SLC25A46: variants seen among roughly 807,000 people sequenced by gnomAD.
SLC25A46 encodes the protein solute carrier family 25 member 46.
A neutral mutation model predicts 44.6 loss-of-function variants in SLC25A46; 39 were observed. The observed-to-expected ratio is 0.87, with a 90% CI of 0.68 to 1.14. The LOEUF (loss-of-function observed/expected upper bound fraction) is 1.14, where lower values mean the gene tolerates loss of function less well. Among genes scored for constraint, SLC25A46 ranks in the 50% most tolerant of loss-of-function variants. The pLI is 0.00. For synonymous variants in SLC25A46, 202 were observed against 185.8 expected (o/e 1.09, Z -0.71); for missense variants, 547 against 522.7 (o/e 1.05, Z -0.45).
chr5:110,749,491 C>CGT (rs780713826), intron 5 of SLC25A46, among the ~76,000 whole-genome samples: 35 of 125,750 alleles, frequency 2.8e-4, no homozygotes, highest in South Asian at 8.3e-4. Flanking sequence ...ACATGTGTGC[C>CGT]GTGTGTGTGT....
chr5:110,764,379 G>C lies in SLC25A46; in HGVS notation c.*2597G>C, dbSNP rs767354478. On this transcript the variant is annotated 3_prime_UTR_variant, in exon 8 of 8. Coordinates refer to ENST00000355943, the MANE Select transcript of SLC25A46 (RefSeq NM_138773.4). ...TATGGGCTCCAAAAAAAATTATCTG[G>C]GTTAATAAGGTTATCTATTAAAGCC... 8 of 151,716 alleles carry C rather than the reference G, an allele frequency of 5.3e-5. No individual in the cohort carries two copies. The highest frequency in any genetic ancestry group is 1.2e-4 in the Non-Finnish European group (8 of 67,866). The allele number at this position is 151,716 out of a possible 1,614,324, so 9.4% of individuals were successfully genotyped here.
Position 110,739,099 on chromosome 5 carries a change from C to G in SLC25A46, c.-21C>G. The G allele has an allele frequency of 6.5e-7, 1 of 1,542,422 alleles. No homozygotes were observed. The highest frequency in any genetic ancestry group is 1.4e-5 in the African/African-American group (1 of 72,976). ...TGGTGGTGGGCTCCGGGCGGGCTCGCGTCATCCTGCCCCCGCTGCGATGCA... is the reference window on the plus strand; with the variant it reads ...TGGTGGTGGGCTCCGGGCGGGCTCGGGTCATCCTGCCCCCGCTGCGATGCA... On this transcript the variant is annotated 5_prime_UTR_variant, in exon 1 of 8. Coordinates refer to ENST00000355943, the MANE Select transcript of SLC25A46 (RefSeq NM_138773.4).
chr5:110,753,333 A>G (rs1268116057), intron 5 of SLC25A46: 2 of 142,426 alleles, frequency 1.4e-5, no homozygotes, highest in Non-Finnish European at 3.0e-5. Flanking sequence ...TAGGATAGCT[A>G]TTTGACCATT....
intron 5 of SLC25A46, among the ~76,000 whole-genome samples, chr5:110,751,180 G>T (rs888914431): frequency 6.6e-6 from 1 of 152,072 alleles, no homozygotes; most frequent in Non-Finnish European, 1.5e-5. Context: ...GCTAAAAACC[G>T]GGTTTACAGT....
At chr5:110,738,982 G>T (rs1799509303), upstream of SLC25A46, 2 of 1,456,806 alleles carry the variant, frequency 1.4e-6, no homozygotes, top group East Asian at 2.5e-5. Flanking sequence ...AGACTTCCGG[G>T]TTTCCAACGT....
At chr5:110,740,321 G>T (rs546708950) in intron 1 of SLC25A46, among the ~76,000 whole-genome samples, 1 of 152,236 alleles carries the variant, frequency 6.6e-6, no homozygotes, top group East Asian at 1.9e-4. Context: ...TGACTTGGAA[G>T]TACAATAATA....
chr5:110,748,695 C>T (rs924631751), intron 5 of SLC25A46, among the ~76,000 whole-genome samples: 3 of 152,064 alleles, frequency 2.0e-5, no homozygotes, highest in Admixed American at 6.6e-5. Context: ...GAGCAATTCC[C>T]GCTCTTTAAG....
Position 110,761,228 on chromosome 5 carries a change from G to A in SLC25A46, c.703G>A (p.Gly235Ser). Residue 235 changes from glycine (G) to serine (S), a missense_variant, in exon 8 of 8, where the codon GGC (glycine) becomes AGC (serine). Coordinates refer to ENST00000355943, the MANE Select transcript of SLC25A46 (RefSeq NM_138773.4). The surrounding 1 kb of genome is among the most constrained non-coding windows in gnomAD (Gnocchi z 5.3). ...VQSEIIRDNT[G>S]ILECVKEGIG... is the part of the protein sequence containing the mutation. ...GAGTGAGATAATTCGAGATAATACT[G>A]GCATTTTGGAGTGTGTTAAAGAAGG... 1 of 1,603,810 alleles carries A rather than the reference G, an allele frequency of 6.2e-7. No individual in the cohort carries two copies.
upstream of SLC25A46, chr5:110,738,879 CAACA>C: frequency 1.0e-6 from 1 of 979,132 alleles, no homozygotes; most frequent in African/African-American, 1.7e-5. Flanking sequence ...TCCCTAACGA[CAACA>C]AACTTTTAAG....
chr5:110,755,735 C>G (rs568904536), intron 6 of SLC25A46, among the ~76,000 whole-genome samples: 271 of 152,140 alleles, frequency 1.8e-3, no homozygotes, highest in African/African-American at 5.9e-3. Flanking sequence ...ATTTGAAAGG[C>G]TAGAATCACA....
rs758387608 is a variant in SLC25A46, at chr5:110,755,542, T to A, written c.620+21T>A. ...AAATCGTAAGTATCAAAAAATGGCA[T>A]TTTTATTGGGCATTTTCACTAATTT... On this transcript the variant is annotated intron_variant, in intron 6 of 7. Transcript: ENST00000355943. 1.0e-5 allele frequency: 15 copies of A among 1,492,644 alleles called. No homozygotes were observed. In the African/African-American group the frequency reaches 2.1e-4, roughly 21 times the overall value. The allele number at this position is 1,492,644 out of a possible 1,614,324, so 92.5% of individuals were successfully genotyped here.
intron 4 of SLC25A46, 79 bp downstream of exon 4, chr5:110,746,425 T>A: frequency 1.5e-5 from 14 of 947,658 alleles, no homozygotes; most frequent in Non-Finnish European, 1.7e-5. Flanking sequence ...CAAGAATAAT[T>A]ACTTTCAGTT....
chr5:110,751,145 G>A (rs182009243), intron 5 of SLC25A46, among the ~76,000 whole-genome samples: 2 of 152,038 alleles, frequency 1.3e-5, no homozygotes, highest in African/African-American at 2.4e-5. Flanking sequence ...CATTTCCTGA[G>A]TACTTACTAT....
upstream of SLC25A46, chr5:110,738,973 G>A: frequency 1.4e-6 from 2 of 1,451,320 alleles, no homozygotes; most frequent in Non-Finnish European, 1.8e-6. Flanking sequence ...GTGCTCCGAA[G>A]ACTTCCGGGT....
chr5:110,747,429 C>G (rs958778671), intron 4 of SLC25A46, among the ~76,000 whole-genome samples: 1 of 152,068 alleles, frequency 6.6e-6, no homozygotes, highest in Non-Finnish European at 1.5e-5. Context: ...CATGGATTAT[C>G]CCGATAAATT....
chr5:110,738,979 C>A, upstream of SLC25A46: 1 of 1,455,426 alleles, frequency 6.9e-7, no homozygotes, highest in Admixed American at 2.8e-5. Flanking sequence ...CGAAGACTTC[C>A]GGGTTTCCAA....
rs1434068983 is a variant in SLC25A46 at position 110,739,055 on chromosome 5, T to C, written c.-65T>C. 16 of 1,519,146 alleles carry C rather than the reference T, an allele frequency of 1.1e-5. No homozygotes were observed. Among genetic ancestry groups the C allele is most frequent in the Non-Finnish European group, 1.3e-5 (15 of 1,140,226 alleles). The allele number at this position is 1,519,146 out of a possible 1,614,324, so 94.1% of individuals were successfully genotyped here. On this transcript the variant is annotated 5_prime_UTR_variant, in exon 1 of 8. Coordinates refer to ENST00000355943, the MANE Select transcript of SLC25A46 (RefSeq NM_138773.4). ...CGGCCGACGGGAAGCTGTGTGTGCT[T>C]AGGTCGTGGTGGCCCCGGTGGTGGT... is the stretch of plus-strand genomic sequence containing the variant.
chr5:110,740,562 A>G (rs1439882042), intron 1 of SLC25A46, among the ~76,000 whole-genome samples: 1 of 152,188 alleles, frequency 6.6e-6, no homozygotes, highest in Admixed American at 6.5e-5. Flanking sequence ...TAGACACCTA[A>G]GAGACTTACA....
chr5:110,744,851 A>C (rs925449320), intron 3 of SLC25A46, among the ~76,000 whole-genome samples: 3 of 152,204 alleles, frequency 2.0e-5, no homozygotes, highest in African/African-American at 7.2e-5. Flanking sequence ...TGCTTTCCTC[A>C]TGACAGCAAT....
Sources: gnomAD v4.1 joint callset for allele counts (sites outside exome capture counted in the v4.1 genomes callset) on GRCh38, gnomAD v4.1.1 for gene constraint, Gnocchi (gnomAD v3.1) non-coding constraint, MANE v1.5 for transcripts, NCBI Gene and HGNC (gene_info 2026-07-23, HGNC 2026-07-21) for gene names.